The following ACAP2 variants were observed in gnomAD, a reference collection of about 807,000 sequenced individuals.
ACAP2 encodes the protein ArfGAP with coiled-coil, ankyrin repeat and PH domains 2, also known as arf-GAP with coiled-coil, ANK repeat and PH domain-containing protein 2.
A neutral mutation model predicts 115.8 loss-of-function variants in ACAP2; 39 were observed. The ratio of observed to expected loss-of-function variants is 0.34; its 90% CI spans 0.26 to 0.44. ACAP2 has a LOEUF of 0.44. Among genes scored for constraint, ACAP2 ranks in the 20% least tolerant of loss-of-function variants. The pLI, the probability that ACAP2 is intolerant of heterozygous loss-of-function variation, is 1.00. For synonymous variants in ACAP2, 289 were observed against 315.8 expected (o/e 0.92, Z 0.90); for missense variants, 662 against 927.6 (o/e 0.71, Z 3.72).
At chr3:195,412,206 A>G (rs1393857499) in intron 1 of ACAP2, among the ~76,000 whole-genome samples, 1 of 149,912 alleles carries the variant, frequency 6.7e-6, no homozygotes, top group African/African-American at 2.4e-5. Flanking sequence ...GGCTTGTTAC[A>G]TGAGTAAATT....
At chr3:195,424,556 C>A (rs1250294425) in intron 1 of ACAP2, among the ~76,000 whole-genome samples, 2 of 151,530 alleles carry the variant, frequency 1.3e-5, no homozygotes, top group African/African-American at 4.8e-5. Context: ...GCTTCGGCCT[C>A]CCAAAGTGCT....
chr3:195,431,410 A>G (rs534752886), intron 1 of ACAP2, among the ~76,000 whole-genome samples: 2 of 152,046 alleles, frequency 1.3e-5, no homozygotes, highest in South Asian at 4.2e-4. Flanking sequence ...ATGGCTCGCT[A>G]GAACTCATAT....
intron 1 of ACAP2, among the ~76,000 whole-genome samples, chr3:195,426,910 G>C (rs966500434): frequency 6.6e-6 from 1 of 152,078 alleles, no homozygotes; most frequent in Non-Finnish European, 1.5e-5. Context: ...GGTGGACTGT[G>C]GTAGACAAAA....
At chr3:195,306,953 CAT>C (rs898721572) in intron 12 of ACAP2, 1 of 347,228 alleles carries the variant, frequency 2.9e-6, no homozygotes, top group Non-Finnish European at 5.1e-6. Flanking sequence ...CAAAGAAACT[CAT>C]ATGATTTCAA....
intron 1 of ACAP2, among the ~76,000 whole-genome samples, chr3:195,423,244 T>C (rs1030705203): frequency 6.6e-6 from 1 of 152,092 alleles, no homozygotes; most frequent in Non-Finnish European, 1.5e-5. Flanking sequence ...ATAAAGCAAA[T>C]GTGCCAAAAT....
chr3:195,414,248 A>T (rs1713530319), intron 1 of ACAP2, among the ~76,000 whole-genome samples: 1 of 152,198 alleles, frequency 6.6e-6, no homozygotes, highest in Admixed American at 6.5e-5. Context: ...GAAGACAGTT[A>T]AGCAGTTTCT....
At chr3:195,407,490 T>G (rs190731104) in intron 1 of ACAP2, among the ~76,000 whole-genome samples, 1 of 152,276 alleles carries the variant, frequency 6.6e-6, no homozygotes, top group East Asian at 1.9e-4. Flanking sequence ...GCAGATCACT[T>G]AAGCTCAGAA....
intron 9 of ACAP2, 83 bp downstream of exon 9, chr3:195,326,802 C>A: frequency 8.3e-7 from 1 of 1,200,620 alleles, no homozygotes; most frequent in Non-Finnish European, 1.2e-6. Context: ...AAGATTTGTT[C>A]CAATACAATG....
In ACAP2 at chr3:195,292,365, T is replaced by G. The variant is rs112375796; in HGVS notation, c.1853A>C (p.Asn618Thr). The G allele has an allele frequency of 6.2e-7, 1 of 1,614,020 alleles. No individual in the cohort carries two copies. Among genetic ancestry groups the G allele is most frequent in the South Asian group, 1.1e-5 (1 of 91,038 alleles). The change falls in exon 19 of 23, where the codon AAC becomes ACC. Residue 618 changes from asparagine (N) to threonine (T), a missense_variant. Physicochemically the swap from Asn to Thr is moderately conservative, Grantham distance 65 (BLOSUM62 0). This residue lies in a region of ACAP2 where 133 missense variants were observed against 123.1 expected (regional missense o/e 1.08). Coordinates refer to ENST00000326793, the MANE Select transcript of ACAP2 (RefSeq NM_012287.6). ...LQLYRASYEKNLPKMAEALAH... is the reference protein window; with the variant it reads ...LQLYRASYEKTLPKMAEALAH... The stretch of plus-strand genomic sequence containing the variant: ...CAAAGCCTCAGCCATTTTAGGAAGG[T>G]TTTTTTCATATGACGCCCTATAAAG...
At chr3:195,353,079 T>G (rs1330808630) in intron 4 of ACAP2, among the ~76,000 whole-genome samples, 1 of 105,638 alleles carries the variant, frequency 9.5e-6, no homozygotes, top group Non-Finnish European at 2.0e-5. Flanking sequence ...GACTCTGTCT[T>G]TAAAAAAAAA....
At chr3:195,328,598 C>T (rs536663950) in intron 8 of ACAP2, among the ~76,000 whole-genome samples, 22 of 152,282 alleles carry the variant, frequency 1.4e-4, no homozygotes, top group African/African-American at 4.3e-4. Flanking sequence ...GTTTCTTAAG[C>T]GGAATGAGTG....
chr3:195,306,447 C>T (rs1728427012), intron 13 of ACAP2, 64 bp downstream of exon 13: 4 of 954,752 alleles, frequency 4.2e-6, no homozygotes, highest in South Asian at 1.8e-5. Flanking sequence ...AGTCATATAA[C>T]GTTGCAACTA....
At chr3:195,336,054 A>G (rs1297410397) in intron 7 of ACAP2, 1 of 151,704 alleles carries the variant, frequency 6.6e-6, no homozygotes, top group African/African-American at 2.4e-5. Context: ...GGCACCCGCC[A>G]CCACACCCAG....
chr3:195,358,834 A>C (rs1383891943), intron 4 of ACAP2, among the ~76,000 whole-genome samples: 1 of 152,174 alleles, frequency 6.6e-6, no homozygotes, highest in Non-Finnish European at 1.5e-5. Flanking sequence ...ACAAAACTTC[A>C]AGTAAAAGAA....
intron 2 of ACAP2, among the ~76,000 whole-genome samples, chr3:195,389,072 G>T (rs1259398754): frequency 6.6e-6 from 1 of 151,598 alleles, no homozygotes; most frequent in Non-Finnish European, 1.5e-5. Context: ...TTTGGAAGAG[G>T]TACGAAATAT....
At chr3:195,335,032 A>G (rs928940326) in intron 7 of ACAP2, among the ~76,000 whole-genome samples, 1 of 152,224 alleles carries the variant, frequency 6.6e-6, no homozygotes. Context: ...TTGATAGTCC[A>G]TGAGCTACGA....
rs144136865 is a variant in ACAP2 at position 195,410,982 on chromosome 3, C to G, written c.54-18835G>C. The G allele has an allele frequency of 5.7e-3, 2,214 of 390,116 alleles. 10 individuals carry two copies. The highest frequency in any genetic ancestry group is 8.1e-3 in the Middle Eastern group (16 of 1,964). The allele number at this position is 390,116 out of a possible 1,614,324, so 24.2% of individuals were successfully genotyped here. The stretch of plus-strand genomic sequence containing the variant: ...TCACCAGACACTAATCTGCTGGCAT[C>G]TTTATCTTGGACTTCCCAGCTCCAG... On this transcript the variant is annotated intron_variant, in intron 1 of 22. Coordinates refer to ENST00000326793, the MANE Select transcript of ACAP2 (RefSeq NM_012287.6).
At chr3:195,423,040 A>G (rs1335773701) in intron 1 of ACAP2, among the ~76,000 whole-genome samples, 1 of 152,266 alleles carries the variant, frequency 6.6e-6, no homozygotes, top group Non-Finnish European at 1.5e-5. Flanking sequence ...CATAAAGGAC[A>G]TAACAGGCAC....
intron 1 of ACAP2, among the ~76,000 whole-genome samples, chr3:195,428,898 C>A (rs1319431710): frequency 6.6e-6 from 1 of 152,140 alleles, no homozygotes; most frequent in Non-Finnish European, 1.5e-5. Context: ...AACACGTTTA[C>A]CCCTTGACAC....
Sources: allele counts gnomAD v4.1 joint callset (sites outside exome capture counted in the v4.1 genomes callset), GRCh38; gene constraint gnomAD v4.1.1; regional missense constraint gnomAD v4.1.1; transcripts MANE v1.5; gene names NCBI Gene and HGNC (gene_info 2026-07-23, HGNC 2026-07-21).